SLC12A6: variants seen among roughly 807,000 people sequenced by gnomAD.
The protein encoded by SLC12A6 is K-Cl cotransporter 3.
A neutral mutation model predicts 135.3 loss-of-function variants in SLC12A6; 66 were observed. That is an observed-to-expected ratio of 0.49 (90% CI 0.40 to 0.60). SLC12A6 has a LOEUF of 0.60. SLC12A6 is among the 20% of genes least tolerant of loss of function. The probability of loss-of-function intolerance (pLI) is 0.00; values close to 1 mark genes in which losing one functional copy is unlikely to be tolerated. For missense variants in SLC12A6, 1,058 were observed against 1,452.3 expected, an observed-to-expected ratio of 0.73 and a Z score of 4.41; for synonymous variants, 513 against 508.8, an observed-to-expected ratio of 1.01 and a Z score of -0.11.
intron 2 of SLC12A6, among the ~76,000 whole-genome samples, chr15:34,319,219 T>A (rs898607592): frequency 2.0e-5 from 3 of 147,596 alleles, no homozygotes; most frequent in Admixed American, 1.4e-4. Context: ...CACTGCAACC[T>A]CCGCCTCCCA....
intron 2 of SLC12A6, among the ~76,000 whole-genome samples, chr15:34,322,558 C>G (rs1473923314): frequency 6.6e-6 from 1 of 151,858 alleles, no homozygotes; most frequent in African/African-American, 2.4e-5. Context: ...CCTTAAAATG[C>G]ATACAATAGG....
In SLC12A6 at chr15:34,268,247, A is replaced by G. The variant is rs554792180; in HGVS notation, c.316+7098T>C. 1.1e-4 allele frequency among the ~76,000 whole-genome samples: 17 copies of G among 152,350 alleles called. 1 individual carries two copies. Among genetic ancestry groups the G allele is most frequent in the Admixed American group, 7.2e-4 (11 of 15,304 alleles). ...TTGCCTTGTCTTATTATCATCAGACAGTCTGGATCCTGGCTGTTTCTGGCC... is the reference window on the plus strand; with the variant it reads ...TTGCCTTGTCTTATTATCATCAGACGGTCTGGATCCTGGCTGTTTCTGGCC... On this transcript the variant is annotated intron_variant, in intron 3 of 25. Transcript: ENST00000354181.
At chr15:34,305,043 A>T (rs1418158722) in intron 2 of SLC12A6, among the ~76,000 whole-genome samples, 1 of 152,176 alleles carries the variant, frequency 6.6e-6, no homozygotes, top group Non-Finnish European at 1.5e-5. Flanking sequence ...GGGATTGTGA[A>T]ATCCCCAATC....
At chr15:34,313,307 C>T (rs1292674168) in intron 2 of SLC12A6, among the ~76,000 whole-genome samples, 1 of 152,188 alleles carries the variant, frequency 6.6e-6, no homozygotes, top group African/African-American at 2.4e-5. Flanking sequence ...AGCTAAACAA[C>T]CTTATTGCTG....
chr15:34,259,779 T>C (rs901969370), intron 4 of SLC12A6, among the ~76,000 whole-genome samples: 3 of 152,250 alleles, frequency 2.0e-5, no homozygotes, highest in African/African-American at 4.8e-5. Flanking sequence ...AGAGTCCATG[T>C]TGTCTTATTC....
At chr15:34,246,407 C>G (rs1891992893) in intron 13 of SLC12A6, among the ~76,000 whole-genome samples, 1 of 152,128 alleles carries the variant, frequency 6.6e-6, no homozygotes, top group Non-Finnish European at 1.5e-5. Context: ...TTCAGGGTAT[C>G]AAAATATCTG....
chr15:34,292,132 T>C (rs922747777), intron 2 of SLC12A6, among the ~76,000 whole-genome samples: 1 of 152,220 alleles, frequency 6.6e-6, no homozygotes, highest in Admixed American at 6.5e-5. Flanking sequence ...TTTATCTACC[T>C]TTAGTCTTTG....
intron 3 of SLC12A6, among the ~76,000 whole-genome samples, chr15:34,273,701 G>C (rs1203512119): frequency 6.6e-6 from 1 of 152,104 alleles, no homozygotes; most frequent in African/African-American, 2.4e-5. Context: ...ACAGCTAAAA[G>C]CTCAGCAGGG....
intron 2 of SLC12A6, among the ~76,000 whole-genome samples, chr15:34,306,813 A>T (rs1218552138): frequency 6.6e-6 from 1 of 152,250 alleles, no homozygotes; most frequent in Non-Finnish European, 1.5e-5. Flanking sequence ...TCTGAAGAAA[A>T]AATTTAAGAA....
chr15:34,300,857 C>A (rs1356975144), intron 2 of SLC12A6, among the ~76,000 whole-genome samples: 2 of 151,554 alleles, frequency 1.3e-5, no homozygotes, highest in Non-Finnish European at 2.9e-5. Flanking sequence ...GGCAGGGGTC[C>A]TATCTGCCCA....
In SLC12A6 at chr15:34,321,293, T is replaced by C. The variant is rs575213746; in HGVS notation, c.271+15117A>G. On this transcript the variant is annotated intron_variant, in intron 2 of 25. Coordinates refer to ENST00000354181, the MANE Select transcript of SLC12A6 (RefSeq NM_001365088.1). Reference sequence around the variant, plus strand: ...AACTATATATAAAAGTGCAGGGGCATAGAAAATTGAAGGCAAAGTTAAAGT... The same window carrying C: ...AACTATATATAAAAGTGCAGGGGCACAGAAAATTGAAGGCAAAGTTAAAGT... Among the ~76,000 whole-genome samples, 5 of 152,274 alleles carry C rather than the reference T, an allele frequency of 3.3e-5. No homozygotes were observed. In the South Asian group the frequency reaches 8.3e-4, roughly 25 times the overall value.
At chr15:34,294,808 C>G (rs1421636273) in intron 2 of SLC12A6, among the ~76,000 whole-genome samples, 1 of 151,664 alleles carries the variant, frequency 6.6e-6, no homozygotes, top group East Asian at 1.9e-4. Context: ...CTTTTGCTTC[C>G]CCTCCCAAAG....
At position 34,240,846 on chromosome 15, in the gene SLC12A6, G is replaced by A. The variant is rs754750565; in HGVS notation, c.2268-17C>T. The A allele has an allele frequency of 3.1e-6, 5 of 1,602,526 alleles. No individual in the cohort carries two copies. Among genetic ancestry groups the A allele is most frequent in the Non-Finnish European group, 4.3e-6 (5 of 1,173,584 alleles). On this transcript the variant is annotated splice_polypyrimidine_tract_variant and intron_variant, in intron 18 of 25. Transcript: ENST00000354181. Reference sequence around the variant, plus strand: ...AACTGAGGCCTGTGAAGAGGTTGGTGGGGGTTGGAGGGGAGGAGAAAACAT... The same window carrying A: ...AACTGAGGCCTGTGAAGAGGTTGGTAGGGGTTGGAGGGGAGGAGAAAACAT...
At position 34,336,698 on chromosome 15, in the gene SLC12A6, C is replaced by CA; in HGVS notation, c.-19dup. ...GGATGCATTTTGTTCTTTTTAAGAACAAAAAAAGTGGGGGGAACCTCGCAA... is the reference window on the plus strand; with the variant it reads ...GGATGCATTTTGTTCTTTTTAAGAACAAAAAAAAGTGGGGGGAACCTCGCAA... On this transcript the variant is annotated 5_prime_UTR_variant, in exon 2 of 26. Coordinates refer to ENST00000354181, the MANE Select transcript of SLC12A6 (RefSeq NM_001365088.1). 1 of 1,612,752 alleles carries CA rather than the reference C, an allele frequency of 6.2e-7. No homozygotes were observed. The highest frequency in any genetic ancestry group is 8.5e-7 in the Non-Finnish European group (1 of 1,178,908).
chr15:34,235,994 C>T, intron 24 of SLC12A6, 21 bp downstream of exon 24: 6 of 1,597,020 alleles, frequency 3.8e-6, no homozygotes, highest in Non-Finnish European at 5.2e-6. Flanking sequence ...TTATGATAAA[C>T]TTGGGAGTGG....
chr15:34,271,250 C>T (rs1390364261), intron 3 of SLC12A6, among the ~76,000 whole-genome samples: 1 of 151,912 alleles, frequency 6.6e-6, no homozygotes, highest in Non-Finnish European at 1.5e-5. Context: ...ATTAAACCAA[C>T]CATGGATTTC....
chr15:34,258,049 A>G (rs770113900), intron 5 of SLC12A6, among the ~76,000 whole-genome samples: 1 of 152,238 alleles, frequency 6.6e-6, no homozygotes, highest in Non-Finnish European at 1.5e-5. Flanking sequence ...ATTTGGCCAC[A>G]AATAAACTTT....
intron 4 of SLC12A6, among the ~76,000 whole-genome samples, chr15:34,260,420 G>A (rs940821368): frequency 5.3e-5 from 8 of 152,022 alleles, no homozygotes; most frequent in Non-Finnish European, 1.0e-4. Context: ...CACCATGCCC[G>A]GCTAATTTTT....
At chr15:34,267,956 T>C (rs1268492125) in intron 3 of SLC12A6, among the ~76,000 whole-genome samples, 1 of 152,316 alleles carries the variant, frequency 6.6e-6, no homozygotes, top group East Asian at 1.9e-4. Context: ...CCATTTATTT[T>C]CCTTCTCTTT....
Sources: allele counts gnomAD v4.1 joint callset (sites outside exome capture counted in the v4.1 genomes callset), GRCh38; gene constraint gnomAD v4.1.1; transcripts MANE v1.5; gene names NCBI Gene and HGNC (gene_info 2026-07-23, HGNC 2026-07-21).